OR6N1: variants seen among roughly 807,000 people sequenced by gnomAD.
OR6N1 encodes the protein olfactory receptor family 6 subfamily N member 1, also known as olfactory receptor 6N1.
For synonymous variants in OR6N1, 170 were observed against 150.7 expected (o/e 1.13, Z -0.94); for missense variants, 394 against 371.7 (o/e 1.06, Z -0.49).
the OR6N1 span, among the ~76,000 whole-genome samples, chr1:158,810,506 G>A: frequency 6.6e-6 from 1 of 152,134 alleles, no homozygotes; most frequent in Non-Finnish European, 1.5e-5. Flanking sequence ...TTGTGCAAAA[G>A]GAAGTGCAGC....
At chr1:158,829,598 A>C in the OR6N1 span, among the ~76,000 whole-genome samples, 2 of 152,270 alleles carry the variant, frequency 1.3e-5, no homozygotes, top group East Asian at 3.9e-4. Flanking sequence ...GGAAGTTCCA[A>C]ACATTCCCAC....
At chr1:158,771,301 T>C (rs1864348) in intron 1 of OR6N1, among the ~76,000 whole-genome samples, 61,962 of 152,010 alleles carry the variant, frequency 0.41, 13,107 homozygotes, top group East Asian at 0.55. Flanking sequence ...GGCAACTCTC[T>C]GTGAGCTTTT....
chr1:158,823,134 C>A, the OR6N1 span, among the ~76,000 whole-genome samples: 1 of 152,078 alleles, frequency 6.6e-6, no homozygotes, highest in Non-Finnish European at 1.5e-5. Context: ...AGGATTTTTG[C>A]ATCTATGTTC....
At chr1:158,812,596 A>C in the OR6N1 span, among the ~76,000 whole-genome samples, 1 of 152,214 alleles carries the variant, frequency 6.6e-6, no homozygotes, top group Non-Finnish European at 1.5e-5. Flanking sequence ...AAAAGTGTCA[A>C]CATTTCATAA....
At chr1:158,812,839 A>G in the OR6N1 span, among the ~76,000 whole-genome samples, 2 of 152,146 alleles carry the variant, frequency 1.3e-5, no homozygotes. Flanking sequence ...AATCTCAGTG[A>G]TTCTGTTATT....
chr1:158,786,728 C>G, the OR6N1 span, among the ~76,000 whole-genome samples: 1 of 152,080 alleles, frequency 6.6e-6, no homozygotes, highest in African/African-American at 2.4e-5. Context: ...GACCATTATT[C>G]TAGTAACTTG....
the OR6N1 span, among the ~76,000 whole-genome samples, chr1:158,796,378 A>C: frequency 2.0e-5 from 3 of 151,942 alleles, no homozygotes; most frequent in Admixed American, 2.0e-4. Context: ...CTCTGAGGTA[A>C]TTTTCTATGT....
the OR6N1 span, among the ~76,000 whole-genome samples, chr1:158,788,172 A>G: frequency 6.6e-6 from 1 of 152,234 alleles, no homozygotes; most frequent in African/African-American, 2.4e-5. Context: ...TTAATAGAAG[A>G]AGCATAAAAA....
rs1406627939 is a variant in OR6N1 at position 158,764,438 on chromosome 1, C to CAT, written c.*1304_*1305dup. 4.6e-5 allele frequency: 7 copies of CAT among 151,754 alleles called. No homozygotes were observed. Among genetic ancestry groups the CAT allele is most frequent in the Non-Finnish European group, 1.0e-4 (7 of 67,908 alleles). The allele number at this position is 151,754 out of a possible 1,614,324, so 9.4% of individuals were successfully genotyped here. A position where few individuals can be genotyped will look rare whatever the true frequency, so the allele number is the denominator to read the frequency against. ...AAACACCCTAAAGGTAGGACCTGGA[C>CAT]ATATATATGTCTTGTTCATTGCTTT... On this transcript the variant is annotated 3_prime_UTR_variant, in exon 2 of 2. Transcript: ENST00000641846.
the OR6N1 span, among the ~76,000 whole-genome samples, chr1:158,778,817 A>G: frequency 0.15 from 23,297 of 151,592 alleles, 2,162 homozygotes; most frequent in Non-Finnish European, 0.22. Flanking sequence ...GATTGAGACC[A>G]TCCTGGCTAA....
the OR6N1 span, among the ~76,000 whole-genome samples, chr1:158,799,939 C>T: frequency 3.3e-5 from 5 of 152,018 alleles, no homozygotes; most frequent in Non-Finnish European, 7.4e-5. Flanking sequence ...ACATGTGTTG[C>T]ATGGTGCTTG....
chr1:158,820,246 C>T, the OR6N1 span, among the ~76,000 whole-genome samples: 367 of 152,318 alleles, frequency 2.4e-3, 1 homozygote, highest in African/African-American at 8.4e-3. Flanking sequence ...AACAACCTTC[C>T]AGCGTGGGCG....
At chr1:158,825,964 T>C in the OR6N1 span, among the ~76,000 whole-genome samples, 1 of 152,250 alleles carries the variant, frequency 6.6e-6, no homozygotes, top group East Asian at 1.9e-4. Flanking sequence ...ATAATATGTG[T>C]TGTGCAGCAT....
chr1:158,777,614 T>C, the OR6N1 span: 9 of 1,613,198 alleles, frequency 5.6e-6, no homozygotes, highest in Non-Finnish European at 7.6e-6. Context: ...TCAGCCAGGC[T>C]TGAATGGTTG....
At chr1:158,772,979 A>G (rs1213351904), upstream of OR6N1, among the ~76,000 whole-genome samples, 2 of 152,230 alleles carry the variant, frequency 1.3e-5, no homozygotes, top group African/African-American at 2.4e-5. Flanking sequence ...AAAAATTTAA[A>G]AAGTATAAGG....
At chr1:158,822,994 T>TA in the OR6N1 span, among the ~76,000 whole-genome samples, 1 of 152,208 alleles carries the variant, frequency 6.6e-6, no homozygotes, top group East Asian at 1.9e-4. Flanking sequence ...TAGCTGTTTT[T>TA]ATGTGATGAA....
At chr1:158,786,396 A>G in the OR6N1 span, among the ~76,000 whole-genome samples, 1 of 152,228 alleles carries the variant, frequency 6.6e-6, no homozygotes, top group Non-Finnish European at 1.5e-5. Context: ...CACTGCTGAC[A>G]GGAATGTAAA....
chr1:158,835,427 C>G, the OR6N1 span, among the ~76,000 whole-genome samples: 3 of 152,032 alleles, frequency 2.0e-5, no homozygotes, highest in Non-Finnish European at 4.4e-5. Context: ...TATAAAAACA[C>G]AACTGATTTG....
the OR6N1 span, among the ~76,000 whole-genome samples, chr1:158,812,650 T>C: frequency 6.6e-6 from 1 of 152,208 alleles, no homozygotes; most frequent in Non-Finnish European, 1.5e-5. Context: ...TGAGAAATGA[T>C]TAAAAAGAAA....
Sources: gnomAD v4.1 joint callset for allele counts (sites outside exome capture counted in the v4.1 genomes callset) on GRCh38, gnomAD v4.1.1 for gene constraint, MANE v1.5 for transcripts, NCBI Gene and HGNC (gene_info 2026-07-23, HGNC 2026-07-21) for gene names.